SPEN: variants seen among roughly 807,000 people sequenced by gnomAD.
SPEN encodes msx2-interacting protein.
Under a neutral mutation model 269.9 loss-of-function variants are expected in SPEN, and 18 were observed. That is an observed-to-expected ratio of 0.07 (90% CI 0.05 to 0.10). The LOEUF is 0.10. Among genes scored for constraint, SPEN ranks in the 10% least tolerant of loss-of-function variants. SPEN has a pLI of 1.00. For synonymous variants in SPEN, 1,726 were observed against 1,765.7 expected, an observed-to-expected ratio of 0.98 and a Z score of 0.56; for missense variants, 3,822 against 4,631.2, an observed-to-expected ratio of 0.83 and a Z score of 5.07.
At position 15,930,249 on chromosome 1, in the gene SPEN, C is replaced by T. The variant is rs1162545550; in HGVS notation, c.4009C>T (p.Leu1337=). 4 of 1,614,138 alleles carry T rather than the reference C, an allele frequency of 2.5e-6. No homozygotes were observed. Among genetic ancestry groups the T allele is most frequent in the Non-Finnish European group, 3.4e-6 (4 of 1,180,012 alleles). ...KLSVLNSEDE[L]NRWDSQMKQD... ...ATCTGTCTTGAATTCTGAAGATGAA[C>T]TAAATCGTTGGGACTCTCAGATGAA... Residue 1337 remains leucine (L), a synonymous_variant, in exon 11 of 15, where the codon CTA becomes TTA. Transcript: ENST00000375759. This position sits in a 1 kb window ranked among gnomAD's most constrained non-coding sequence, Gnocchi z 5.3.
rs2071264026 is a variant in SPEN at position 15,935,330 on chromosome 1, A to C, written c.9090A>C (p.Gly3030=). ...ATGCTCATTCTCCTCGACCAAGTGG[A>C]CCCGGGCCATCCTCATTCCCAAGGG... ...KLDAHSPRPS[G]PGPSSFPRAS... is the part of the protein sequence containing the mutation. Residue 3030 remains glycine (G), a synonymous_variant, in exon 11 of 15, where the codon GGA becomes GGC. Coordinates refer to ENST00000375759, the MANE Select transcript of SPEN (RefSeq NM_015001.3). This position sits in a 1 kb window ranked among gnomAD's most constrained non-coding sequence, Gnocchi z 7.7. 1 of 1,613,914 alleles carries C rather than the reference A, an allele frequency of 6.2e-7. No individual in the cohort carries two copies. The highest frequency in any genetic ancestry group is 8.5e-7 in the Non-Finnish European group (1 of 1,179,972).
At position 15,933,148 on chromosome 1, in the gene SPEN, G is replaced by A. The variant is rs745949911; in HGVS notation, c.6908G>A (p.Gly2303Glu). Residue 2303 changes from glycine (G) to glutamate (E), a missense_variant, in exon 11 of 15, where the codon GGA becomes GAA. Coordinates refer to ENST00000375759, the MANE Select transcript of SPEN (RefSeq NM_015001.3). This position sits in a 1 kb window ranked among gnomAD's most constrained non-coding sequence, Gnocchi z 5.7. The part of the protein sequence containing the change: ...AGPTDTKEAR[G>E]NSSETSHSVP... ...CCAACAGATACCAAGGAAGCCAGAG[G>A]AAATAGCAGTGAAACCTCACACTCA... 6 of 1,614,096 alleles carry A rather than the reference G, an allele frequency of 3.7e-6. No homozygotes were observed. The Admixed American group carries it at 1.0e-4, about 27-fold the overall frequency.
chr1:15,902,927 T>C (rs2070917656), intron 3 of SPEN, among the ~76,000 whole-genome samples: 1 of 152,152 alleles, frequency 6.6e-6, no homozygotes, highest in South Asian at 2.1e-4. Context: ...GTTTCTCAAC[T>C]TAATTTGGTT....
intron 3 of SPEN, among the ~76,000 whole-genome samples, chr1:15,907,257 G>T (rs187113254): frequency 3.9e-5 from 6 of 152,182 alleles, no homozygotes; most frequent in Admixed American, 3.9e-4. Context: ...TGAGGTGGGC[G>T]GATCACTTGA....
intron 3 of SPEN, among the ~76,000 whole-genome samples, chr1:15,893,189 G>A (rs1198521076): frequency 6.6e-6 from 1 of 152,188 alleles, no homozygotes; most frequent in African/African-American, 2.4e-5. Context: ...AAATATGTCT[G>A]TTTACATACT....
At position 15,861,641 on chromosome 1, in the gene SPEN, C is replaced by CT. The variant is rs202127285; in HGVS notation, c.84-11167dup. ...CCTTTCCATTCCCAGCAAGGACTCT[C>CT]TTTTTTTTGTGGGGGGAGTAGTGAC... On this transcript the variant is annotated intron_variant, in intron 1 of 14. Transcript: ENST00000375759. Among the ~76,000 whole-genome samples the CT allele has an allele frequency of 7.0e-3, 1,065 of 151,920 alleles. 12 individuals carry two copies. Among genetic ancestry groups the CT allele is most frequent in the African/African-American group, 0.024 (989 of 41,444 alleles).
chr1:15,917,149 A>G (rs1398086075), intron 6 of SPEN, among the ~76,000 whole-genome samples: 1 of 152,134 alleles, frequency 6.6e-6, no homozygotes, highest in African/African-American at 2.4e-5. Context: ...GCAGCAAATT[A>G]GTGTATGATT....
At position 15,919,460 on chromosome 1, in the gene SPEN, G is replaced by A. The variant is rs765470696; in HGVS notation, c.1578G>A (p.Ser526=). Residue 526 remains serine, a synonymous_variant, in exon 8 of 15, where the codon TCG becomes TCA. Transcript: ENST00000375759. ...TNCVWLDGLS[S]NVSDQYLTRH... is the part of the protein sequence containing the mutation. ...GCGTGTGGCTAGATGGGCTTTCTTC[G>A]AATGTGTCAGATCAGTATTTAACAC... 217 of 1,608,722 alleles carry A rather than the reference G, an allele frequency of 1.3e-4. 2 individuals are homozygous for A. Among genetic ancestry groups the A allele is most frequent in the Middle Eastern group, 3.3e-4 (2 of 6,076 alleles).
chr1:15,895,314 A>G (rs1029715309), intron 3 of SPEN, among the ~76,000 whole-genome samples: 1 of 152,188 alleles, frequency 6.6e-6, no homozygotes, highest in African/African-American at 2.4e-5. Context: ...ATTAAACAAT[A>G]ACTCCCATTC....
chr1:15,919,609 T>A, intron 8 of SPEN, 92 bp downstream of exon 8: 1 of 706,392 alleles, frequency 1.4e-6, no homozygotes, highest in Non-Finnish European at 2.3e-6. Context: ...GCATTGCCTA[T>A]TTCTTTAATA....
At position 15,934,763 on chromosome 1, in the gene SPEN, T is replaced by C. The variant is rs1262833802; in HGVS notation, c.8523T>C (p.Ser2841=). The C allele has an allele frequency of 7.4e-6, 12 of 1,614,024 alleles. No homozygotes were observed. Among genetic ancestry groups the C allele is most frequent in the Middle Eastern group, 1.6e-4 (1 of 6,084 alleles). The change falls in exon 11 of 15, where the codon AGT becomes AGC. Residue 2841 remains serine, a synonymous_variant. Coordinates refer to ENST00000375759, the MANE Select transcript of SPEN (RefSeq NM_015001.3). The surrounding 1 kb of genome is among the most constrained non-coding windows in gnomAD (Gnocchi z 9.2). ...AGATCAGCCAGATCCCCCCGGCCAG[T>C]GCAATGGACATTGAATTTCAGCAGT... ...SAKISQIPPA[S]AMDIEFQQSV...
At position 15,873,013 on chromosome 1, in the gene SPEN, C is replaced by G. The variant is rs777274234; in HGVS notation, c.281C>G (p.Thr94Arg). The G allele has an allele frequency of 1.2e-6, 2 of 1,614,138 alleles. No homozygotes were observed. Residue 94 changes from threonine (T) to arginine (R), a missense_variant, in exon 2 of 15, where the codon ACA becomes AGA. Physicochemically the swap from Thr to Arg is moderately conservative, Grantham distance 71. Transcript: ENST00000375759. ...IPSAARGLDD[T>R]VSIASRSREV... ...AGTGCTGCTCGGGGATTGGATGATACAGTTTCCATAGCATCTCGTAGTAGA... is the reference window on the plus strand; with the variant it reads ...AGTGCTGCTCGGGGATTGGATGATAGAGTTTCCATAGCATCTCGTAGTAGA...
At chr1:15,900,602 T>C (rs922405149) in intron 3 of SPEN, among the ~76,000 whole-genome samples, 13 of 152,232 alleles carry the variant, frequency 8.5e-5, no homozygotes, top group African/African-American at 3.1e-4. Context: ...GGAAGTTTGA[T>C]TTTCAGAAGT....
rs2071229833 is a variant in SPEN, at chr1:15,932,301, A to C, written c.6061A>C (p.Ile2021Leu). 1 of 1,607,520 alleles carries C rather than the reference A, an allele frequency of 6.2e-7. No homozygotes were observed. Among genetic ancestry groups the C allele is most frequent in the Admixed American group, 1.7e-5 (1 of 58,456 alleles). The change falls in exon 11 of 15, where the codon ATA becomes CTA. Residue 2021 changes from isoleucine (I) to leucine (L), a missense_variant. By Grantham distance (5) the Ile-to-Leu change is conservative. Transcript: ENST00000375759. This position sits in a 1 kb window ranked among gnomAD's most constrained non-coding sequence, Gnocchi z 4.2. ...GGCCACCACTGAGGTGGGCCCCCAA[A>C]TAGGCGTGAAAGAGAGCTCCATGGA... ...PEATTEVGPQ[I>L]GVKESSMEPK...
Position 15,932,817 on chromosome 1 carries a change from G to C in SPEN, c.6577G>C (p.Asp2193His). The change falls in exon 11 of 15, where the codon GAT (aspartate) becomes CAT (histidine). Residue 2193 changes from aspartate (D) to histidine (H), a missense_variant. Physicochemically the swap from Asp to His is moderately conservative, Grantham distance 81. This residue lies in a region of SPEN where 727 missense variants were observed against 737.9 expected (regional missense o/e 0.99). Coordinates refer to ENST00000375759, the MANE Select transcript of SPEN (RefSeq NM_015001.3). The surrounding 1 kb of genome is among the most constrained non-coding windows in gnomAD (Gnocchi z 4.2). ...CTCTGCCTCTGCTGCCTATAAGGCA[G>C]ATGCACCAGAGGGCCTTGCCCCAGA... Reference protein sequence around the residue: ...EASASAAYKADAPEGLAPEDR... With the variant: ...EASASAAYKAHAPEGLAPEDR... The C allele has an allele frequency of 6.2e-7, 1 of 1,614,230 alleles. No individual in the cohort carries two copies. Among genetic ancestry groups the C allele is most frequent in the Non-Finnish European group, 8.5e-7 (1 of 1,180,028 alleles).
In SPEN at chr1:15,922,321, G is replaced by T. The variant is rs1255783506; in HGVS notation, c.1822G>T (p.Asp608Tyr). 1 of 1,606,418 alleles carries T rather than the reference G, an allele frequency of 6.2e-7. No individual in the cohort carries two copies. The highest frequency in any genetic ancestry group is 2.2e-5 in the East Asian group (1 of 44,678). ...GGAGAAATCTGGTCAAGACATCAGA[G>T]ACTTTTATGAAATGTTAGCCGAAAG... The part of the protein sequence containing the change: ...CMEKSGQDIR[D>Y]FYEMLAERRE... The change falls in exon 10 of 15, where the codon GAC becomes TAC. Residue 608 changes from aspartate (D) to tyrosine (Y), a missense_variant. Asp to Tyr is a radical substitution (Grantham distance 160). This residue lies in a region of SPEN where 230 missense variants were observed against 426.1 expected (regional missense o/e 0.54). Transcript: ENST00000375759.
At chr1:15,916,076 AT>A (rs2071064442) in intron 5 of SPEN, 51 bp from the exon 6 acceptor site, 1 of 1,548,140 alleles carries the variant, frequency 6.5e-7, no homozygotes, top group Admixed American at 2.2e-5. Flanking sequence ...ATATATAAAT[AT>A]GCATTAAAAT....
Position 15,932,247 on chromosome 1 carries a change from G to C in SPEN, c.6007G>C (p.Glu2003Gln). ...ACCCCAAGGGAAAAAGGGAAAAAAT[G>C]AACCGAAGGTGGATGCTACACGTCC... ...GGPQGKKGKN[E>Q]PKVDATRPEA... is the part of the protein sequence containing the mutation. Residue 2003 changes from glutamate to glutamine, a missense_variant, in exon 11 of 15, where the codon GAA becomes CAA. Around this residue, in one of 16 missense-constraint regions of SPEN, gnomAD observed 533 missense variants for 618.8 expected, o/e 0.86. Transcript: ENST00000375759. This position sits in a 1 kb window ranked among gnomAD's most constrained non-coding sequence, Gnocchi z 4.2. 6.2e-7 allele frequency: 1 copy of C among 1,611,404 alleles called. No homozygotes were observed. The highest frequency in any genetic ancestry group is 8.5e-7 in the Non-Finnish European group (1 of 1,179,142).
chr1:15,915,377 T>C (rs754183606), intron 5 of SPEN, among the ~76,000 whole-genome samples: 26 of 151,934 alleles, frequency 1.7e-4, no homozygotes, highest in Non-Finnish European at 3.5e-4. Context: ...TGGTCCCAGC[T>C]ACTTAGGAGG....
Sources: allele counts gnomAD v4.1 joint callset (sites outside exome capture counted in the v4.1 genomes callset), GRCh38; gene constraint gnomAD v4.1.1; regional missense constraint gnomAD v4.1.1; non-coding constraint Gnocchi (gnomAD v3.1); transcripts MANE v1.5; gene names NCBI Gene and HGNC (gene_info 2026-07-23, HGNC 2026-07-21).